Variants in OR51B5 observed in about 807,000 individuals in gnomAD.
The protein encoded by OR51B5 is olfactory receptor 51B5.
For missense variants in OR51B5, 456 were observed against 374.6 expected (o/e 1.22, Z -1.79); for synonymous variants, 186 against 144.8 (o/e 1.28, Z -2.04).
At chr11:5,447,579 C>T (rs952423472) in intron 1 of OR51B5, among the ~76,000 whole-genome samples, 3 of 150,728 alleles carry the variant, frequency 2.0e-5, no homozygotes, top group African/African-American at 2.5e-5. Context: ...ATGTTATCAC[C>T]GCTCAGTCTC....
intron 1 of OR51B5, among the ~76,000 whole-genome samples, chr11:5,424,749 A>T (rs1850416645): frequency 6.7e-6 from 1 of 149,446 alleles, no homozygotes; most frequent in Admixed American, 6.7e-5. Context: ...TGGGAGGCCG[A>T]GACGGGTGGA....
At chr11:5,384,076 C>A (rs1849649198) in intron 1 of OR51B5, among the ~76,000 whole-genome samples, 1 of 152,126 alleles carries the variant, frequency 6.6e-6, no homozygotes, top group Admixed American at 6.5e-5. Context: ...AAGGCTTTTC[C>A]CCCAAATGTT....
rs889131099 is a variant in OR51B5 at position 5,351,833 on chromosome 11, A to G, written n.85-4923T>C. ...TTTATCCATACTCTTTCTGTCATGG[A>G]GTCAGGTGTCTTGCTTGCCATGGCT... On this transcript the variant is annotated intron_variant and non_coding_transcript_variant, in intron 1 of 4. Coordinates refer to the OR51B5 transcript ENST00000415970. The G allele has an allele frequency of 5.0e-6, 8 of 1,613,924 alleles. No individual in the cohort carries two copies. The highest frequency in any genetic ancestry group is 6.8e-6 in the Non-Finnish European group (8 of 1,179,942).
chr11:5,419,685 C>CCT (rs1564807400), intron 1 of OR51B5, among the ~76,000 whole-genome samples: 1 of 152,068 alleles, frequency 6.6e-6, no homozygotes, highest in East Asian at 1.9e-4. Flanking sequence ...CTGGAAACAA[C>CCT]CTCTCACATC....
At chr11:5,415,516 C>G (rs1447169271) in intron 1 of OR51B5, among the ~76,000 whole-genome samples, 7 of 151,872 alleles carry the variant, frequency 4.6e-5, no homozygotes, top group Non-Finnish European at 7.4e-5. Context: ...CAACAAAATT[C>G]ATAGACAGCT....
rs1849088399 is a variant in OR51B5, at chr11:5,351,598, G to A, written n.85-4688C>T. The A allele has an allele frequency of 5.0e-6, 8 of 1,614,038 alleles. No individual in the cohort carries two copies. The East Asian group carries it at 8.9e-5, about 18-fold the overall frequency. On this transcript the variant is annotated intron_variant and non_coding_transcript_variant, in intron 1 of 4. Transcript: ENST00000415970. ...TCACTGGATATTCATCCCATTATTG[G>A]CAGCCTACATCTCCATACTTCTTGG... is the stretch of plus-strand genomic sequence containing the variant.
intron 1 of OR51B5, among the ~76,000 whole-genome samples, chr11:5,412,023 C>CA (rs927979118): frequency 1.5e-4 from 23 of 152,072 alleles, no homozygotes; most frequent in Non-Finnish European, 1.5e-5. Context: ...GATTAAAAAA[C>CA]AAAAAATGTT....
intron 1 of OR51B5, among the ~76,000 whole-genome samples, chr11:5,374,465 G>T (rs1220802312): frequency 6.6e-6 from 1 of 152,184 alleles, no homozygotes; most frequent in Non-Finnish European, 1.5e-5. Flanking sequence ...ACCAGCAACG[G>T]AACAAAGCTG....
intron 1 of OR51B5, chr11:5,441,397 A>C: frequency 6.2e-7 from 1 of 1,613,846 alleles, no homozygotes; most frequent in Non-Finnish European, 8.5e-7. Context: ...CCTACAATGG[A>C]GATCATGTAG....
intron 1 of OR51B5, among the ~76,000 whole-genome samples, chr11:5,424,797 C>G (rs1351161138): frequency 7.9e-6 from 1 of 127,236 alleles, no homozygotes; most frequent in African/African-American, 2.9e-5. Context: ...CTGGCTAACA[C>G]GGTGAAACCC....
chr11:5,468,683 T>A (rs780961589), intron 1 of OR51B5: 5 of 456,572 alleles, frequency 1.1e-5, no homozygotes, highest in South Asian at 7.7e-5. Context: ...TGCATAGATA[T>A]GTGACACACA....
At chr11:5,341,366 CAGA>C (rs1848889277), downstream of OR51B5, 1 of 152,088 alleles carries the variant, frequency 6.6e-6, no homozygotes, top group Non-Finnish European at 1.5e-5. Flanking sequence ...CAACAACCTG[CAGA>C]AAGCAGAAAC....
chr11:5,498,799 T>A (rs1204467176), intron 1 of OR51B5, among the ~76,000 whole-genome samples: 1 of 152,176 alleles, frequency 6.6e-6, no homozygotes, highest in African/African-American at 2.4e-5. Context: ...TAGACAAACA[T>A]GATGACCTCC....
chr11:5,413,440 G>A (rs1850183314), intron 1 of OR51B5, among the ~76,000 whole-genome samples: 2 of 152,222 alleles, frequency 1.3e-5, no homozygotes, highest in South Asian at 4.1e-4. Flanking sequence ...GACAGAGAAT[G>A]ACTTTGATGA....
At chr11:5,420,670 A>G (rs1210164275) in intron 1 of OR51B5, among the ~76,000 whole-genome samples, 1 of 152,106 alleles carries the variant, frequency 6.6e-6, no homozygotes, top group Non-Finnish European at 1.5e-5. Flanking sequence ...TCACAAAGGA[A>G]AGATTTAAAT....
rs150462707 is a variant in OR51B5, at chr11:5,385,636, T to C, written n.85-38726A>G. 6.3e-3 allele frequency among the ~76,000 whole-genome samples: 960 copies of C among 152,054 alleles called. 11 individuals are homozygous for C. Among genetic ancestry groups the C allele is most frequent in the Non-Finnish European group, 9.9e-3 (671 of 67,980 alleles). On this transcript the variant is annotated intron_variant and non_coding_transcript_variant, in intron 1 of 4. Transcript: ENST00000415970. The stretch of plus-strand genomic sequence containing the variant: ...AAATTAATGGCAGTTTTTGCCAATA[T>C]AAATTTATGTTCTAAACATGTATAA...
At chr11:5,442,573 C>T (rs1850706578) in intron 1 of OR51B5, among the ~76,000 whole-genome samples, 1 of 152,168 alleles carries the variant, frequency 6.6e-6, no homozygotes, top group African/African-American at 2.4e-5. Context: ...CTCTATGACC[C>T]TTTCCCAATT....
At position 5,477,097 on chromosome 11, in the gene OR51B5, T is replaced by A. The variant is rs567275383; in HGVS notation, n.84+28472A>T. 3.3e-5 allele frequency among the ~76,000 whole-genome samples: 5 copies of A among 152,288 alleles called. No homozygotes were observed. The East Asian group carries it at 9.7e-4, about 29-fold the overall frequency. On this transcript the variant is annotated intron_variant and non_coding_transcript_variant, in intron 1 of 4. Transcript: ENST00000415970. ...ATAAATAAATAGAGTGGGAAGGAAC[T>A]TTTAGAGGTGATGTATATGTTTATG... is the stretch of plus-strand genomic sequence containing the variant.
At chr11:5,392,102 T>TA (rs1849804259) in intron 1 of OR51B5, 1 of 152,020 alleles carries the variant, frequency 6.6e-6, no homozygotes. Flanking sequence ...AAGCGAAATT[T>TA]AAAAAAGAAC....
Sources: gnomAD v4.1 joint callset for allele counts (sites outside exome capture counted in the v4.1 genomes callset) on GRCh38, gnomAD v4.1.1 for gene constraint, MANE v1.5 for transcripts, NCBI Gene and HGNC (gene_info 2026-07-23, HGNC 2026-07-21) for gene names.